The following SFSWAP variants were observed in gnomAD, a reference collection of about 807,000 sequenced individuals.
The protein encoded by SFSWAP is splicing factor SWAP, also known as splicing factor, suppressor of white-apricot homolog.
In SFSWAP, 17 loss-of-function variants were observed where a neutral mutation model predicts 100.7. That is an observed-to-expected ratio of 0.17 (90% CI 0.12 to 0.25). The LOEUF is 0.25. Among genes scored for constraint, SFSWAP ranks in the 10% least tolerant of loss-of-function variants. The probability of loss-of-function intolerance (pLI) is 1.00; values close to 1 mark genes in which losing one functional copy is unlikely to be tolerated. For missense variants in SFSWAP, 1,005 were observed against 1,262.6 expected (o/e 0.80, Z 3.09); for synonymous variants, 504 against 510.1 (o/e 0.99, Z 0.16).
At chr12:131,753,976 A>T (rs1022990604) in intron 8 of SFSWAP, among the ~76,000 whole-genome samples, 1 of 151,746 alleles carries the variant, frequency 6.6e-6, no homozygotes, top group African/African-American at 2.4e-5. Context: ...TGTGAAAACG[A>T]CTCTTTCTGG....
At chr12:131,791,384 A>G (rs1566060988) in intron 15 of SFSWAP, among the ~76,000 whole-genome samples, 1 of 151,822 alleles carries the variant, frequency 6.6e-6, no homozygotes, top group African/African-American at 2.4e-5. Flanking sequence ...GTGAGACTCT[A>G]TCTCAAAGAA....
intron 7 of SFSWAP, among the ~76,000 whole-genome samples, chr12:131,728,862 A>G (rs1879242043): frequency 6.6e-6 from 1 of 152,036 alleles, no homozygotes; most frequent in Admixed American, 6.6e-5. Context: ...CACTGGGCTA[A>G]TTTTGATTTT....
At chr12:131,798,934 C>T in intron 16 of SFSWAP, 103 bp from the exon 17 acceptor site, 1 of 788,864 alleles carries the variant, frequency 1.3e-6, no homozygotes, top group Non-Finnish European at 2.2e-6. Context: ...GTGGGCACTT[C>T]TCAGTTCTAG....
At position 131,758,672 on chromosome 12, in the gene SFSWAP, T is replaced by C. The variant is rs1383472008; in HGVS notation, c.1720+2028T>C. 9.9e-5 allele frequency among the ~76,000 whole-genome samples: 15 copies of C among 152,130 alleles called. 1 individual carries two copies. Among genetic ancestry groups the C allele is most frequent in the Admixed American group, 9.8e-4 (15 of 15,266 alleles). ...AGATTGCTTAGAAATTGCTGTGGAG[T>C]GTGGTGGCTCACGCCCATAATGCCA... On this transcript the variant is annotated intron_variant, in intron 11 of 17. Transcript: ENST00000261674.
chr12:131,728,162 C>A, intron 6 of SFSWAP, 131 bp from the exon 7 acceptor site: 1 of 991,902 alleles, frequency 1.0e-6, no homozygotes, highest in Non-Finnish European at 1.5e-6. Context: ...TTAGGACCTC[C>A]ATGGGTGCGT....
In SFSWAP at chr12:131,730,270, A is replaced by C. The variant is rs1879376031; in HGVS notation, c.1081+1842A>C. ...TGTGCTCTGCCCAGGATGCCTGCCC[A>C]CTGAGGGACCATCCCTCTGCTTCCT... On this transcript the variant is annotated intron_variant, in intron 7 of 17. Coordinates refer to ENST00000261674, the MANE Select transcript of SFSWAP (RefSeq NM_004592.4). The surrounding 1 kb of genome is among the most constrained non-coding windows in gnomAD (Gnocchi z 4.0). 6.6e-6 allele frequency among the ~76,000 whole-genome samples: 1 copy of C among 152,200 alleles called. No homozygotes were observed. Among genetic ancestry groups the C allele is most frequent in the African/African-American group, 2.4e-5 (1 of 41,440 alleles).
At chr12:131,720,562 C>T (rs1228156052) in intron 4 of SFSWAP, among the ~76,000 whole-genome samples, 1 of 152,192 alleles carries the variant, frequency 6.6e-6, no homozygotes, top group Middle Eastern at 3.2e-3. Flanking sequence ...CAGGCATTCT[C>T]AATTCTTGTT....
chr12:131,783,179 TAAAAAAAAAAAA>T (rs555914355), intron 14 of SFSWAP, among the ~76,000 whole-genome samples: 3 of 124,628 alleles, frequency 2.4e-5, no homozygotes, highest in African/African-American at 9.1e-5. Context: ...AGACTCCGTC[TAAAAAAAAAAAA>T]AAAAAAAGAT....
At chr12:131,728,601 G>C (rs1026836671) in intron 7 of SFSWAP, among the ~76,000 whole-genome samples, 173 bp downstream of exon 7, 4 of 152,198 alleles carry the variant, frequency 2.6e-5, no homozygotes, top group Non-Finnish European at 4.4e-5. Flanking sequence ...CCCTTTGCTT[G>C]GCCCAGTGTT....
At chr12:131,747,033 G>A (rs1030332720) in intron 7 of SFSWAP, among the ~76,000 whole-genome samples, 30 of 149,806 alleles carry the variant, frequency 2.0e-4, no homozygotes, top group African/African-American at 7.2e-4. Context: ...CAACCCGGGA[G>A]GCAGAGCTTG....
chr12:131,743,692 C>T (rs1189003247), intron 7 of SFSWAP, among the ~76,000 whole-genome samples: 2 of 152,220 alleles, frequency 1.3e-5, no homozygotes, highest in African/African-American at 2.4e-5. Flanking sequence ...TGGTGGCCCT[C>T]TTCTCACAGC....
chr12:131,774,055 G>A (rs1566046771), intron 13 of SFSWAP, among the ~76,000 whole-genome samples: 1 of 152,160 alleles, frequency 6.6e-6, no homozygotes, highest in Non-Finnish European at 1.5e-5. Flanking sequence ...AGCCTGGGAC[G>A]CCAGAATAAG....
intron 15 of SFSWAP, among the ~76,000 whole-genome samples, chr12:131,792,240 G>A (rs1188771315): frequency 1.3e-5 from 2 of 151,090 alleles, no homozygotes; most frequent in African/African-American, 4.9e-5. Context: ...GTGCGCCCGT[G>A]TGTGTTCACA....
At position 131,785,380 on chromosome 12, in the gene SFSWAP, A is replaced by G; in HGVS notation, c.2409-1083A>G. The G allele has an allele frequency of 4.9e-6, 3 of 612,308 alleles. No individual in the cohort carries two copies. In the South Asian group the frequency reaches 7.3e-5, roughly 15 times the overall value. The allele number at this position is 612,308 out of a possible 1,614,324, so 37.9% of individuals were successfully genotyped here. ...TGATCCCGAGCTGATCTGCAGAAGC[A>G]CAGCCTGTGGCATTTGCGGTTTATT... is the stretch of plus-strand genomic sequence containing the variant. On this transcript the variant is annotated intron_variant, in intron 14 of 17. Transcript: ENST00000261674.
intron 7 of SFSWAP, among the ~76,000 whole-genome samples, chr12:131,744,004 G>T (rs1295481062): frequency 6.6e-6 from 1 of 152,230 alleles, no homozygotes; most frequent in East Asian, 1.9e-4. Flanking sequence ...GGCTGGAGCA[G>T]CTGGGACACA....
intron 4 of SFSWAP, among the ~76,000 whole-genome samples, chr12:131,724,059 C>T (rs1050022439): frequency 1.5e-4 from 23 of 152,310 alleles, no homozygotes; most frequent in African/African-American, 5.5e-4. Flanking sequence ...AAACCAGATA[C>T]TTTTTAATCT....
chr12:131,784,939 T>G, intron 14 of SFSWAP: 2 of 596,384 alleles, frequency 3.4e-6, no homozygotes, highest in Non-Finnish European at 5.2e-6. Context: ...TTATTGAGTT[T>G]ATTGTAGAAT....
Position 131,711,560 on chromosome 12 carries a change from T to TGGG in SFSWAP, c.218+116_218+118dup, listed in dbSNP as rs946739341. On this transcript the variant is annotated intron_variant, in intron 1 of 17. Transcript: ENST00000261674. This position sits in a 1 kb window ranked among gnomAD's most constrained non-coding sequence, Gnocchi z 4.9. ...GAGTTTTCTGGAGCCAGCGGGGATC[T>TGGG]GGGGGACACCCCCTCCCCTGTCCCC... The TGGG allele has an allele frequency of 1.1e-6, 1 of 875,250 alleles. No individual in the cohort carries two copies. The highest frequency in any genetic ancestry group is 1.6e-5 in the African/African-American group (1 of 60,676). 54.2% of individuals were successfully genotyped at this position (875,250 alleles called of 1,614,324 possible).
chr12:131,789,949 G>A (rs566033765), intron 15 of SFSWAP, among the ~76,000 whole-genome samples: 39 of 152,318 alleles, frequency 2.6e-4, no homozygotes, highest in African/African-American at 9.1e-4. Context: ...GAGGAATCCA[G>A]GAGGTGACAC....
Sources: allele counts gnomAD v4.1 joint callset (sites outside exome capture counted in the v4.1 genomes callset), GRCh38; gene constraint gnomAD v4.1.1; non-coding constraint Gnocchi (gnomAD v3.1); transcripts MANE v1.5; gene names NCBI Gene and HGNC (gene_info 2026-07-23, HGNC 2026-07-21).